Variants in PPP1R12A observed in about 807,000 individuals in gnomAD.
The protein encoded by PPP1R12A is protein phosphatase 1 regulatory subunit 12A.
A neutral mutation model predicts 139.6 loss-of-function variants in PPP1R12A; 19 were observed. That is an observed-to-expected ratio of 0.14 (90% CI 0.09 to 0.20). The LOEUF is 0.20. Ranked by LOEUF, PPP1R12A falls within the 10% of genes least tolerant of loss-of-function variation. The probability of loss-of-function intolerance (pLI) is 1.00; values close to 1 mark genes in which losing one functional copy is unlikely to be tolerated. For missense variants in PPP1R12A, 925 were observed against 1,211.5 expected (o/e 0.76, Z 3.51); for synonymous variants, 427 against 420.6 (o/e 1.02, Z -0.19).
chr12:79,788,986 G>A (rs1298403254), intron 20 of PPP1R12A, among the ~76,000 whole-genome samples: 3 of 152,012 alleles, frequency 2.0e-5, no homozygotes, highest in Non-Finnish European at 4.4e-5. Flanking sequence ...GCCCAGCTTG[G>A]AGTGCAGTGG....
intron 19 of PPP1R12A, among the ~76,000 whole-genome samples, chr12:79,791,429 T>C (rs957921640): frequency 6.6e-6 from 1 of 152,154 alleles, no homozygotes; most frequent in African/African-American, 2.4e-5. Flanking sequence ...CTGGCCCAAC[T>C]GATCCTTCTG....
At chr12:79,817,134 CATTT>C (rs1875503322) in intron 9 of PPP1R12A, among the ~76,000 whole-genome samples, 1 of 151,820 alleles carries the variant, frequency 6.6e-6, no homozygotes, top group African/African-American at 2.4e-5. Flanking sequence ...ATCTTTCTGC[CATTT>C]ATTAACTATC....
chr12:79,815,961 G>A (rs559363098), intron 9 of PPP1R12A, among the ~76,000 whole-genome samples: 1 of 142,306 alleles, frequency 7.0e-6, no homozygotes, highest in South Asian at 2.4e-4. Flanking sequence ...TTGAGAGAAG[G>A]ATTATTACTA....
intron 3 of PPP1R12A, 31 bp downstream of exon 3, chr12:79,845,271 A>G (rs1403031285): frequency 1.3e-6 from 2 of 1,491,248 alleles, no homozygotes; most frequent in East Asian, 2.3e-5. Context: ...TTTCTAAAAC[A>G]TTTTTCCATT....
intron 9 of PPP1R12A, among the ~76,000 whole-genome samples, chr12:79,810,997 C>T (rs1874454375): frequency 6.6e-6 from 1 of 151,992 alleles, no homozygotes; most frequent in African/African-American, 2.4e-5. Flanking sequence ...ATTTTAAGGG[C>T]TTTCCAACAA....
At chr12:79,841,725 T>A (rs1401683580) in intron 3 of PPP1R12A, among the ~76,000 whole-genome samples, 1 of 152,236 alleles carries the variant, frequency 6.6e-6, no homozygotes. Context: ...GAAACTGTTA[T>A]CTGAGCACTC....
chr12:79,848,336 T>C (rs1879648189), intron 2 of PPP1R12A, among the ~76,000 whole-genome samples: 1 of 152,186 alleles, frequency 6.6e-6, no homozygotes, highest in African/African-American at 2.4e-5. Flanking sequence ...TATGTAATTA[T>C]TCTCCTAGGC....
intron 13 of PPP1R12A, among the ~76,000 whole-genome samples, 194 bp downstream of exon 13, chr12:79,805,972 A>G (rs986982990): frequency 1.3e-5 from 2 of 152,242 alleles, no homozygotes; most frequent in Non-Finnish European, 2.9e-5. Context: ...TAATTCAAGG[A>G]AAGTTCATAG....
At chr12:79,815,119 T>C (rs1199959073) in intron 9 of PPP1R12A, among the ~76,000 whole-genome samples, 2 of 152,100 alleles carry the variant, frequency 1.3e-5, no homozygotes, top group African/African-American at 4.8e-5. Flanking sequence ...TAGGTATAAA[T>C]TGAGAACTAC....
chr12:79,819,765 A>C (rs1875860572), intron 8 of PPP1R12A, among the ~76,000 whole-genome samples: 1 of 152,102 alleles, frequency 6.6e-6, no homozygotes, highest in Non-Finnish European at 1.5e-5. Context: ...AAAATAGTTA[A>C]CCCTACAAAA....
intron 3 of PPP1R12A, 75 bp downstream of exon 3, chr12:79,845,227 C>G: frequency 8.6e-7 from 1 of 1,164,872 alleles, no homozygotes; most frequent in Non-Finnish European, 1.2e-6. Flanking sequence ...CCTTCAATGT[C>G]AACAAATATT....
intron 14 of PPP1R12A, among the ~76,000 whole-genome samples, chr12:79,804,072 T>G (rs989813637): frequency 6.6e-6 from 1 of 152,084 alleles, no homozygotes; most frequent in Non-Finnish European, 1.5e-5. Context: ...ACACCTCATT[T>G]AACAGAAGAG....
At chr12:79,786,571 T>C (rs1272313956) in intron 21 of PPP1R12A, 93 bp from the exon 22 acceptor site, 12 of 748,334 alleles carry the variant, frequency 1.6e-5, no homozygotes, top group Non-Finnish European at 2.3e-5. Context: ...TAAAACAGCT[T>C]AATGTAGCAT....
chr12:79,848,715 T>C (rs1476898747), intron 2 of PPP1R12A: 1 of 152,114 alleles, frequency 6.6e-6, no homozygotes, highest in Non-Finnish European at 1.5e-5. Flanking sequence ...TCTAGAACTA[T>C]TACTTGCAAA....
intron 3 of PPP1R12A, among the ~76,000 whole-genome samples, chr12:79,844,121 T>C (rs950291141): frequency 6.6e-6 from 1 of 152,136 alleles, no homozygotes; most frequent in Admixed American, 6.5e-5. Flanking sequence ...TTTTAGTAAA[T>C]GTGAGGAGTG....
At chr12:79,893,618 T>C (rs1036219415) in intron 1 of PPP1R12A, among the ~76,000 whole-genome samples, 1 of 152,204 alleles carries the variant, frequency 6.6e-6, no homozygotes, top group African/African-American at 2.4e-5. Context: ...TAAATCACTG[T>C]GATCAGAGAA....
chr12:79,845,499 G>C, intron 2 of PPP1R12A, 79 bp from the exon 3 acceptor site: 1 of 1,039,452 alleles, frequency 9.6e-7, no homozygotes, highest in Admixed American at 2.4e-5. Context: ...AATGAGGAAA[G>C]TTCCTATATA....
chr12:79,875,707 A>G (rs529983607), intron 1 of PPP1R12A, among the ~76,000 whole-genome samples: 58 of 152,360 alleles, frequency 3.8e-4, no homozygotes, highest in Non-Finnish European at 7.5e-4. Flanking sequence ...GCCCAAGTTT[A>G]TTAAGAATCC....
At chr12:79,806,089 A>C in intron 13 of PPP1R12A, 77 bp downstream of exon 13, 2 of 1,471,198 alleles carry the variant, frequency 1.4e-6, no homozygotes, top group South Asian at 2.7e-5. Context: ...CCAGAGCCCC[A>C]CAATCTTCTA....
Sources: allele counts gnomAD v4.1 joint callset (sites outside exome capture counted in the v4.1 genomes callset), GRCh38; gene constraint gnomAD v4.1.1; transcripts MANE v1.5; gene names NCBI Gene and HGNC (gene_info 2026-07-23, HGNC 2026-07-21).